Variants in STAU2 observed in about 807,000 individuals in gnomAD.
STAU2 encodes the protein staufen double-stranded RNA binding protein 2.
In STAU2, 20 loss-of-function variants were observed where a neutral mutation model predicts 65.9. That is an observed-to-expected ratio of 0.30 (90% CI 0.21 to 0.44). STAU2 has a LOEUF of 0.44. STAU2 is among the 20% of genes least tolerant of loss of function. The pLI is 1.00. For missense variants in STAU2, 558 were observed against 683.9 expected (o/e 0.82, Z 2.05); for synonymous variants, 232 against 233.9 (o/e 0.99, Z 0.07).
chr8:73,578,042 A>G (rs1281816448), intron 12 of STAU2, among the ~76,000 whole-genome samples: 1 of 151,780 alleles, frequency 6.6e-6, no homozygotes, highest in Non-Finnish European at 1.5e-5. Flanking sequence ...CATCTTTTTT[A>G]CTTTATGGTT....
chr8:73,548,840 G>C (rs1336706465), intron 13 of STAU2, among the ~76,000 whole-genome samples: 1 of 152,114 alleles, frequency 6.6e-6, no homozygotes, highest in African/African-American at 2.4e-5. Flanking sequence ...CCATCTAGAA[G>C]GGACGATTTG....
At chr8:73,541,172 T>C (rs536654930) in intron 13 of STAU2, among the ~76,000 whole-genome samples, 2 of 152,266 alleles carry the variant, frequency 1.3e-5, no homozygotes, top group Non-Finnish European at 2.9e-5. Context: ...TAAAGCTTTA[T>C]AGGCCTGTAG....
chr8:73,481,521 A>ACC (rs1554595591), intron 13 of STAU2, among the ~76,000 whole-genome samples: 1,544 of 117,610 alleles, frequency 0.013, 28 homozygotes, highest in East Asian at 0.073. Flanking sequence ...AAAAACAAAA[A>ACC]AAAAAAACAC....
At chr8:73,551,181 A>G in intron 13 of STAU2, 1 of 987,544 alleles carries the variant, frequency 1.0e-6, no homozygotes, top group Non-Finnish European at 1.2e-6. Context: ...TCCCCTTCCT[A>G]GAGTTTACAA....
intron 13 of STAU2, among the ~76,000 whole-genome samples, chr8:73,484,268 A>G (rs1368697479): frequency 6.6e-6 from 1 of 152,162 alleles, no homozygotes. Flanking sequence ...GGAAGAAGAC[A>G]GTGTTCTGAG....
At chr8:73,650,715 GT>G (rs1283571656) in intron 6 of STAU2, among the ~76,000 whole-genome samples, 1 of 152,108 alleles carries the variant, frequency 6.6e-6, no homozygotes, top group Non-Finnish European at 1.5e-5. Context: ...AAAAGGGTGG[GT>G]TTTTTCCTTC....
intron 13 of STAU2, among the ~76,000 whole-genome samples, chr8:73,544,827 T>C (rs1481093135): frequency 6.6e-6 from 1 of 152,182 alleles, no homozygotes; most frequent in African/African-American, 2.4e-5. Flanking sequence ...TATAAGACCA[T>C]TGTGTAATGT....
chr8:73,727,639 C>T (rs1586363215), intron 3 of STAU2, among the ~76,000 whole-genome samples: 1 of 152,142 alleles, frequency 6.6e-6, no homozygotes, highest in Admixed American at 6.6e-5. Context: ...GGGTTGTTTC[C>T]ACCATTTAGC....
intron 5 of STAU2, among the ~76,000 whole-genome samples, chr8:73,687,958 C>G (rs1819053871): frequency 6.6e-6 from 1 of 151,918 alleles, no homozygotes; most frequent in African/African-American, 2.4e-5. Flanking sequence ...TCGTGATCCA[C>G]CTGCCTCGGC....
intron 1 of STAU2, 28 bp downstream of exon 1, chr8:73,746,755 C>T: frequency 8.3e-7 from 1 of 1,207,152 alleles, no homozygotes; most frequent in Non-Finnish European, 1.0e-6. Context: ...GTCGGGGTCT[C>T]CCGGACGCCC....
upstream of STAU2, among the ~76,000 whole-genome samples, chr8:73,747,139 G>A (rs1307201255): frequency 2.6e-5 from 4 of 151,846 alleles, no homozygotes; most frequent in Admixed American, 6.5e-5. Context: ...CGGGGCTAGC[G>A]GCGGCGAGCT....
intron 13 of STAU2, among the ~76,000 whole-genome samples, chr8:73,446,756 T>G (rs535498591): frequency 1.1e-4 from 17 of 152,252 alleles, no homozygotes; most frequent in African/African-American, 4.1e-4. Flanking sequence ...ATTACAGACG[T>G]GAGCCATTGT....
chr8:73,699,363 A>G (rs889936584), intron 4 of STAU2, among the ~76,000 whole-genome samples: 1 of 152,060 alleles, frequency 6.6e-6, no homozygotes, highest in African/African-American at 2.4e-5. Flanking sequence ...AAAAAATTAT[A>G]CGAGATCACT....
chr8:73,637,468 TGCTGAAAGTAAAAAAAAAAAAAA>T (rs1814613591), intron 6 of STAU2, among the ~76,000 whole-genome samples: 1 of 55,850 alleles, frequency 1.8e-5, no homozygotes, highest in African/African-American at 8.5e-5. Flanking sequence ...CTTTATAAAG[TGCTGAAAGTAAAAAAAAAAAAAA>T]AAAAAAAAAA....
chr8:73,470,651 T>A (rs72659453), intron 13 of STAU2, among the ~76,000 whole-genome samples: 50,896 of 151,560 alleles, frequency 0.34, 9,897 homozygotes, highest in Non-Finnish European at 0.43. Flanking sequence ...AATTTTTTTT[T>A]AAATTAGCTG....
chr8:73,642,453 G>A (rs998670402), intron 6 of STAU2, among the ~76,000 whole-genome samples: 3 of 152,080 alleles, frequency 2.0e-5, no homozygotes, highest in African/African-American at 7.2e-5. Context: ...AACCCGGGAG[G>A]CGGAGGTCAC....
chr8:73,492,222 A>G (rs900973961), intron 13 of STAU2, among the ~76,000 whole-genome samples: 1 of 151,934 alleles, frequency 6.6e-6, no homozygotes, highest in Non-Finnish European at 1.5e-5. Context: ...ACAAGCTACT[A>G]TTATGTCAGA....
chr8:73,700,089 G>A (rs936056231), intron 4 of STAU2, among the ~76,000 whole-genome samples: 10 of 151,838 alleles, frequency 6.6e-5, no homozygotes, highest in African/African-American at 2.4e-4. Flanking sequence ...ATTTCAATTG[G>A]TGCCAAAAAA....
At chr8:73,509,105 A>G (rs73322865) in intron 13 of STAU2, among the ~76,000 whole-genome samples, 5,189 of 152,262 alleles carry the variant, frequency 0.034, 293 homozygotes, top group African/African-American at 0.12. Flanking sequence ...GTACATTCCT[A>G]CCAGCAATCT....
Sources: gnomAD v4.1 joint callset for allele counts (sites outside exome capture counted in the v4.1 genomes callset) on GRCh38, gnomAD v4.1.1 for gene constraint, MANE v1.5 for transcripts, NCBI Gene and HGNC (gene_info 2026-07-23, HGNC 2026-07-21) for gene names.